ATG16L1: variants seen among roughly 807,000 people sequenced by gnomAD.
The protein encoded by ATG16L1 is autophagy-related protein 16-1.
ATG16L1 carries 37 observed loss-of-function variants against 88.5 expected under a neutral mutation model. The observed-to-expected ratio is 0.42, with a 90% CI of 0.32 to 0.55. ATG16L1 has a LOEUF of 0.55. Among genes scored for constraint, ATG16L1 ranks in the 20% least tolerant of loss-of-function variants. The probability of loss-of-function intolerance (pLI) is 0.13; values close to 1 mark genes in which losing one functional copy is unlikely to be tolerated. For synonymous variants in ATG16L1, 301 were observed against 281.0 expected, an observed-to-expected ratio of 1.07 and a Z score of -0.71; for missense variants, 554 against 752.8, an observed-to-expected ratio of 0.74 and a Z score of 3.09.
At chr2:233,279,884 T>C (rs1698611444) in intron 10 of ATG16L1, among the ~76,000 whole-genome samples, 1 of 152,198 alleles carries the variant, frequency 6.6e-6, no homozygotes, top group Admixed American at 6.5e-5. Flanking sequence ...CTGTGTTAAG[T>C]GCCAAGCAAA....
At chr2:233,252,813 G>A (rs968525271) in intron 1 of ATG16L1, among the ~76,000 whole-genome samples, 1 of 152,132 alleles carries the variant, frequency 6.6e-6, no homozygotes, top group African/African-American at 2.4e-5. Flanking sequence ...GTACAAAAAT[G>A]TTTGTACCTT....
At chr2:233,264,539 T>C (rs527390356) in intron 4 of ATG16L1, among the ~76,000 whole-genome samples, 1 of 152,278 alleles carries the variant, frequency 6.6e-6, no homozygotes, top group African/African-American at 2.4e-5. Context: ...TTCCTTAATA[T>C]GTGGAAAGGG....
rs1312859150 is a variant in ATG16L1, at chr2:233,294,129, G to A, written c.1731-128G>A. On this transcript the variant is annotated intron_variant, in intron 17 of 17. Coordinates refer to ENST00000392017, the MANE Select transcript of ATG16L1 (RefSeq NM_030803.7). ...GCTCCTGCCTTGTCGCGGGCACAGTGCCAGAGAGTAAAATGGAAGTTGGAA... is the reference window on the plus strand; with the variant it reads ...GCTCCTGCCTTGTCGCGGGCACAGTACCAGAGAGTAAAATGGAAGTTGGAA... 5.9e-6 allele frequency: 4 copies of A among 678,390 alleles called. No individual in the cohort carries two copies. In the African/African-American group the frequency reaches 7.3e-5, roughly 12 times the overall value. The allele number at this position is 678,390 out of a possible 1,614,324, so 42.0% of individuals were successfully genotyped here.
chr2:233,265,003 T>C lies in ATG16L1; in HGVS notation c.501T>C (p.Asp167=), dbSNP rs1361163664. The change falls in exon 5 of 18, where the codon GAT becomes GAC. Residue 167 remains aspartate (D), a synonymous_variant. Coordinates refer to ENST00000392017, the MANE Select transcript of ATG16L1 (RefSeq NM_030803.7). The stretch of plus-strand genomic sequence containing the variant: ...ACCAGACCCTGAAGGATGAATATGA[T>C]GCCCTGCAGATCACTTTTACTGCCT... ...RANQTLKDEY[D]ALQITFTALE... is the part of the protein sequence containing the mutation. 1.2e-6 allele frequency: 2 copies of C among 1,614,192 alleles called. No individual in the cohort carries two copies.
chr2:233,272,276 A>C, intron 6 of ATG16L1, among the ~76,000 whole-genome samples: 1 of 152,256 alleles, frequency 6.6e-6, no homozygotes. Flanking sequence ...TGGGATAAAC[A>C]GCAACAAAGG....
At chr2:233,266,971 G>T (rs1424484064) in intron 5 of ATG16L1, among the ~76,000 whole-genome samples, 1 of 152,172 alleles carries the variant, frequency 6.6e-6, no homozygotes, top group African/African-American at 2.4e-5. Context: ...ACTAGAGCAT[G>T]GGAAGAGTAG....
At position 233,270,002 on chromosome 2, in the gene ATG16L1, G is replaced by C. The variant is rs768763936; in HGVS notation, c.642G>C (p.Arg214Ser). The change falls in exon 6 of 18, where the codon AGG becomes AGC. Residue 214 changes from arginine to serine, a missense_variant and splice_region_variant. Around this residue, in one of 5 missense-constraint regions of ATG16L1, gnomAD observed 370 missense variants for 509.7 expected, o/e 0.73. Transcript: ENST00000392017. ...RLNAENEKDS[R>S]RRQARLQKEL... ...GCTTTTTTTTTTTTTTTCCCAACAGGAGGCGGCAAGCCCGGCTGCAGAAAG... is the reference window on the plus strand; with the variant it reads ...GCTTTTTTTTTTTTTTTCCCAACAGCAGGCGGCAAGCCCGGCTGCAGAAAG... 6.4e-7 allele frequency: 1 copy of C among 1,572,550 alleles called. No individual in the cohort carries two copies. The highest frequency in any genetic ancestry group is 1.4e-5 in the African/African-American group (1 of 71,898).
At chr2:233,284,272 C>CA (rs1698929073) in intron 12 of ATG16L1, among the ~76,000 whole-genome samples, 1 of 152,090 alleles carries the variant, frequency 6.6e-6, no homozygotes, top group Admixed American at 6.6e-5. Flanking sequence ...CTCAGCCTCC[C>CA]AAGCAGCTGG....
chr2:233,277,730 T>A, intron 10 of ATG16L1, 57 bp downstream of exon 10: 10 of 1,478,756 alleles, frequency 6.8e-6, no homozygotes, highest in Non-Finnish European at 9.4e-6. Flanking sequence ...ACCCTTGCAC[T>A]GCAGAAAGAA....
At chr2:233,291,076 G>A (rs1699432601) in intron 14 of ATG16L1, among the ~76,000 whole-genome samples, 1 of 152,132 alleles carries the variant, frequency 6.6e-6, no homozygotes, top group Non-Finnish European at 1.5e-5. Flanking sequence ...TCTATTTGAA[G>A]GAGAATTTGG....
At chr2:233,274,209 C>T (rs1313237727) in intron 8 of ATG16L1, 2 of 665,872 alleles carry the variant, frequency 3.0e-6, no homozygotes, top group Non-Finnish European at 2.6e-6. Flanking sequence ...CCAGGTTGAA[C>T]ACTTTGTACA....
At chr2:233,255,595 C>T (rs1696722283) in intron 1 of ATG16L1, among the ~76,000 whole-genome samples, 1 of 152,202 alleles carries the variant, frequency 6.6e-6, no homozygotes, top group Non-Finnish European at 1.5e-5. Context: ...CAGCCACTTA[C>T]CAAAAGACTC....
chr2:233,281,288 G>A, intron 11 of ATG16L1, 113 bp downstream of exon 11: 1 of 785,288 alleles, frequency 1.3e-6, no homozygotes, highest in Non-Finnish European at 2.0e-6. Flanking sequence ...TGTATCTTAA[G>A]CCAAATCCAT....
Position 233,294,316 on chromosome 2 carries a change from A to G in ATG16L1, c.1790A>G (p.Lys597Arg). The G allele has an allele frequency of 1.9e-6, 3 of 1,613,738 alleles. No homozygotes were observed. The highest frequency in any genetic ancestry group is 1.1e-5 in the South Asian group (1 of 91,054). ...PSGSHVVSVD[K>R]GCKAVLWAQY ...GGCTCGCACGTTGTCAGTGTGGACAAAGGATGCAAAGCTGTGCTGTGGGCA... is the reference window on the plus strand; with the variant it reads ...GGCTCGCACGTTGTCAGTGTGGACAGAGGATGCAAAGCTGTGCTGTGGGCA... Residue 597 changes from lysine to arginine, a missense_variant, in exon 18 of 18, where the codon AAA becomes AGA. Physicochemically the swap from Lys to Arg is conservative, Grantham distance 26. This residue lies in a region of ATG16L1 where 370 missense variants were observed against 509.7 expected (regional missense o/e 0.73). Transcript: ENST00000392017.
At chr2:233,279,555 A>G (rs1363690781) in intron 10 of ATG16L1, among the ~76,000 whole-genome samples, 1 of 152,222 alleles carries the variant, frequency 6.6e-6, no homozygotes, top group Non-Finnish European at 1.5e-5. Flanking sequence ...TCGTCTTGGC[A>G]AATATTTATT....
At chr2:233,285,660 A>G (rs1699024306) in intron 12 of ATG16L1, among the ~76,000 whole-genome samples, 1 of 152,228 alleles carries the variant, frequency 6.6e-6, no homozygotes, top group Non-Finnish European at 1.5e-5. Flanking sequence ...CCCTGCACCC[A>G]GAGAAGTCTC....
rs1399597557 is a variant in ATG16L1, at chr2:233,264,925, G to A, written c.423G>A (p.Leu141=). The change falls in exon 5 of 18, where the codon CTG becomes CTA. Residue 141 remains leucine, a synonymous_variant. Coordinates refer to ENST00000392017, the MANE Select transcript of ATG16L1 (RefSeq NM_030803.7). The stretch of plus-strand genomic sequence containing the variant: ...AATGTTTGCAGACTATCTCTGACCT[G>A]GAGACGGAGTGCCTAGACCTGCGCA... ...IAECLQTISD[L]ETECLDLRTK... is the part of the protein sequence containing the mutation. 1 of 1,613,894 alleles carries A rather than the reference G, an allele frequency of 6.2e-7. No individual in the cohort carries two copies. Among genetic ancestry groups the A allele is most frequent in the Admixed American group, 1.7e-5 (1 of 59,990 alleles).
intron 12 of ATG16L1, among the ~76,000 whole-genome samples, 194 bp from the exon 13 acceptor site, chr2:233,289,660 G>A (rs1699327306): frequency 1.3e-5 from 2 of 152,168 alleles, no homozygotes; most frequent in South Asian, 4.1e-4. Context: ...CCAGTGTGCT[G>A]GGATTGCAGG....
chr2:233,266,574 A>G (rs980625792), intron 5 of ATG16L1, among the ~76,000 whole-genome samples: 3 of 152,234 alleles, frequency 2.0e-5, no homozygotes, highest in African/African-American at 7.2e-5. Context: ...AAATGACAAT[A>G]GGAAAGAGTC....
Sources: allele counts gnomAD v4.1 joint callset (sites outside exome capture counted in the v4.1 genomes callset), GRCh38; gene constraint gnomAD v4.1.1; regional missense constraint gnomAD v4.1.1; transcripts MANE v1.5; gene names NCBI Gene and HGNC (gene_info 2026-07-23, HGNC 2026-07-21).